CA14: variants seen among roughly 807,000 people sequenced by gnomAD.
CA14 encodes the protein carbonic anhydrase 14.
A neutral mutation model predicts 48.8 loss-of-function variants in CA14; 44 were observed. The observed-to-expected ratio is 0.90, with a 90% CI of 0.71 to 1.16. The LOEUF is 1.16. Among genes scored for constraint, CA14 ranks in the 50% most tolerant of loss-of-function variants. The probability of loss-of-function intolerance (pLI) is 0.00; values close to 1 mark genes in which losing one functional copy is unlikely to be tolerated. For missense variants in CA14, 386 were observed against 401.0 expected (o/e 0.96, Z 0.32); for synonymous variants, 154 against 155.0 (o/e 0.99, Z 0.05).
chr1:150,263,693 A>G lies in CA14; in HGVS notation c.862+14A>G, dbSNP rs781892546. ...CGTATACCACAGGTAAGCCAGCCTT[A>G]TAAGATAATGCGGGGAGGGGAGGTG... is the stretch of plus-strand genomic sequence containing the variant. On this transcript the variant is annotated intron_variant, in intron 9 of 10. Coordinates refer to ENST00000369111, the MANE Select transcript of CA14 (RefSeq NM_012113.3). 13 of 1,614,094 alleles carry G rather than the reference A, an allele frequency of 8.1e-6. No homozygotes were observed. The South Asian group carries it at 8.8e-5, about 11-fold the overall frequency.
chr1:150,261,721 AT>A, intron 3 of CA14, 83 bp downstream of exon 3: 7 of 1,302,048 alleles, frequency 5.4e-6, no homozygotes, highest in Non-Finnish European at 7.5e-6. Flanking sequence ...GGGCATGATG[AT>A]GGGGTGTTCC....
intron 1 of CA14, 62 bp downstream of exon 1, chr1:150,258,245 C>A: frequency 7.2e-7 from 1 of 1,392,126 alleles, no homozygotes; most frequent in South Asian, 1.3e-5. Context: ...GCCAGGTGTG[C>A]TTAATGGGGG....
chr1:150,259,596 G>C (rs1213762779), intron 1 of CA14, among the ~76,000 whole-genome samples: 2 of 152,176 alleles, frequency 1.3e-5, no homozygotes, highest in East Asian at 3.9e-4. Context: ...AGAGCTAATG[G>C]GACCAGAAAA....
intron 5 of CA14, 35 bp downstream of exon 5, chr1:150,262,655 C>T (rs1553848163): frequency 2.6e-6 from 4 of 1,535,110 alleles, no homozygotes; most frequent in Admixed American, 3.3e-5. Context: ...GGTTTCTCTC[C>T]ACTTCCTCTG....
At chr1:150,264,212 C>T (rs370435531) in intron 10 of CA14, among the ~76,000 whole-genome samples, 3 of 151,846 alleles carry the variant, frequency 2.0e-5, no homozygotes, top group East Asian at 3.9e-4. Flanking sequence ...AGGCATGAGC[C>T]ACCCGCTTTT....
chr1:150,260,085 G>C, intron 1 of CA14, 66 bp from the exon 2 acceptor site: 1 of 1,507,346 alleles, frequency 6.6e-7, no homozygotes, highest in Non-Finnish European at 9.2e-7. Context: ...AGAGGGAGGG[G>C]AGTGTGGAGG....
Position 150,263,097 on chromosome 1 carries a change from G to A in CA14, c.618G>A (p.Leu206=). 6.2e-7 allele frequency: 1 copy of A among 1,614,022 alleles called. No homozygotes were observed. Among genetic ancestry groups the A allele is most frequent in the Non-Finnish European group, 8.5e-7 (1 of 1,179,936 alleles). The change falls in exon 7 of 11, where the codon CTG becomes CTA. Residue 206 remains leucine (L), a synonymous_variant. Coordinates refer to ENST00000369111, the MANE Select transcript of CA14 (RefSeq NM_012113.3). ...TAAGAGAGCTGCTCCCCAAACAGCTGGGGCAGTACTTCCGCTACAATGGCT... is the reference window on the plus strand; with the variant it reads ...TAAGAGAGCTGCTCCCCAAACAGCTAGGGCAGTACTTCCGCTACAATGGCT... ...FNLRELLPKQ[L]GQYFRYNGSL...
In CA14 at chr1:150,261,615, A is replaced by G. The variant is rs782710442; in HGVS notation, c.233A>G (p.Asp78Gly). 1 of 1,614,020 alleles carries G rather than the reference A, an allele frequency of 6.2e-7. No individual in the cohort carries two copies. Among genetic ancestry groups the G allele is most frequent in the Non-Finnish European group, 8.5e-7 (1 of 1,179,974 alleles). ...GYDQPGTEPL[D>G]LHNNGHTVQL... ...GACCAGCCTGGCACCGAGCCTTTGG[A>G]CCTGCACAACAATGGCCACACAGGT... Residue 78 changes from aspartate to glycine, a missense_variant, in exon 3 of 11, where the codon GAC (aspartate) becomes GGC (glycine). By Grantham distance (94) the Asp-to-Gly change is moderately conservative (BLOSUM62 -1). Coordinates refer to ENST00000369111, the MANE Select transcript of CA14 (RefSeq NM_012113.3).
chr1:150,264,849 C>A lies in CA14; in HGVS notation c.*190C>A. On this transcript the variant is annotated 3_prime_UTR_variant, in exon 11 of 11. Transcript: ENST00000369111. ...CAGGAAGAACTGCAGAGCCTTCAGC[C>A]TCTCCAAACATGTAGGAGGAAATGA... The A allele has an allele frequency of 2.1e-6, 1 of 484,650 alleles. No individual in the cohort carries two copies. 30.0% of individuals were successfully genotyped at this position (484,650 alleles called of 1,614,324 possible). A position where few individuals can be genotyped will look rare whatever the true frequency, so the allele number is the denominator to read the frequency against.
intron 2 of CA14, 55 bp downstream of exon 2, chr1:150,260,226 T>C (rs782165466): frequency 6.4e-7 from 1 of 1,570,114 alleles, no homozygotes; most frequent in South Asian, 1.1e-5. Context: ...CCTCCTCACC[T>C]GGCAGGAAGA....
chr1:150,262,892 C>T, intron 6 of CA14, 22 bp downstream of exon 6: 1 of 1,597,242 alleles, frequency 6.3e-7, no homozygotes, highest in South Asian at 1.1e-5. Flanking sequence ...AAATCTATAG[C>T]AGGAAGTAAG....
At chr1:150,259,667 A>G (rs187747049) in intron 1 of CA14, among the ~76,000 whole-genome samples, 61 of 152,246 alleles carry the variant, frequency 4.0e-4, no homozygotes, top group African/African-American at 1.4e-3. Flanking sequence ...TTTAAAGCAA[A>G]GGAATAATCT....
At chr1:150,259,458 T>G (rs1443137853) in intron 1 of CA14, among the ~76,000 whole-genome samples, 1 of 152,122 alleles carries the variant, frequency 6.6e-6, no homozygotes, top group African/African-American at 2.4e-5. Context: ...ATCCTGTCCC[T>G]GCCAGCCTGG....
rs781955249 is a variant in CA14 at position 150,263,773 on chromosome 1, TTTTACC to T, written c.863-16_863-11del. 10 of 1,610,480 alleles carry T rather than the reference TTTTACC, an allele frequency of 6.2e-6. No homozygotes were observed. The Admixed American group carries it at 1.5e-4, about 24-fold the overall frequency. On this transcript the variant is annotated splice_polypyrimidine_tract_variant and intron_variant, in intron 9 of 10. Coordinates refer to ENST00000369111, the MANE Select transcript of CA14 (RefSeq NM_012113.3). ...TCTATGTTAGTCCTAGGCTGACACC[TTTTACC>T]TTTATCTCCCCCAGGTGAAATGCTG...
Position 150,258,003 on chromosome 1 carries a change from T to G in CA14, c.-126T>G, listed in dbSNP as rs1167689588. ...AGACAGCAAGAGAAGCAGAGATAAA[T>G]ACACTCACGCCAGGAGCTCGCTCGC... On this transcript the variant is annotated 5_prime_UTR_variant, in exon 1 of 11. Transcript: ENST00000369111. 2 of 577,220 alleles carry G rather than the reference T, an allele frequency of 3.5e-6. No homozygotes were observed. The highest frequency in any genetic ancestry group is 6.0e-6 in the Non-Finnish European group (2 of 335,894). The allele number at this position is 577,220 out of a possible 1,614,324, so 35.8% of individuals were successfully genotyped here.
Position 150,263,423 on chromosome 1 carries a change from A to T in CA14, c.841+4A>T, listed in dbSNP as rs1553848468. On this transcript the variant is annotated splice_donor_region_variant and intron_variant, in intron 8 of 10. Transcript: ENST00000369111. ...GTCTTTGCTTCTTTCATCCAAGGTG[A>T]TTCTGCACGGCTCAGAAGAGATGGG... is the stretch of plus-strand genomic sequence containing the variant. 1 of 1,613,908 alleles carries T rather than the reference A, an allele frequency of 6.2e-7. No homozygotes were observed.
chr1:150,263,135 C>A lies in CA14; in HGVS notation c.656C>A (p.Pro219His). Residue 219 changes from proline to histidine, a missense_variant, in exon 7 of 11, where the codon CCC (proline) becomes CAC (histidine). Transcript: ENST00000369111. ...CGCTACAATGGCTCGCTCACAACTCCCCCTTGCTACCAGAGTGTGCTCTGG... is the reference window on the plus strand; with the variant it reads ...CGCTACAATGGCTCGCTCACAACTCACCCTTGCTACCAGAGTGTGCTCTGG... ...YFRYNGSLTT[P>H]PCYQSVLWTV... 2.5e-6 allele frequency: 4 copies of A among 1,614,142 alleles called. No homozygotes were observed. Among genetic ancestry groups the A allele is most frequent in the Non-Finnish European group, 3.4e-6 (4 of 1,180,030 alleles).
chr1:150,262,524 G>C lies in CA14; in HGVS notation c.400-1G>C, dbSNP rs782262732. 2 of 1,612,322 alleles carry C rather than the reference G, an allele frequency of 1.2e-6. No homozygotes were observed. Among genetic ancestry groups the C allele is most frequent in the African/African-American group, 1.3e-5 (1 of 74,960 alleles). ...ATTCAATTCCCTCTTCCTTCCTTTA[G>C]CTCCACATTGTACATTATGACTCTG... is the stretch of plus-strand genomic sequence containing the variant. On this transcript the variant is annotated splice_acceptor_variant, in intron 4 of 10. Transcript: ENST00000369111. LOFTEE classifies it high-confidence loss of function.
At chr1:150,261,363 A>G in intron 2 of CA14, 96 bp from the exon 3 acceptor site, 1 of 1,076,676 alleles carries the variant, frequency 9.3e-7, no homozygotes, top group Non-Finnish European at 1.4e-6. Flanking sequence ...ACACAGATGT[A>G]TGGCTTGGTT....
Sources: gnomAD v4.1 joint callset for allele counts (sites outside exome capture counted in the v4.1 genomes callset) on GRCh38, gnomAD v4.1.1 for gene constraint, MANE v1.5 for transcripts, NCBI Gene and HGNC (gene_info 2026-07-23, HGNC 2026-07-21) for gene names.